The following STK33 variants were observed in gnomAD, a reference collection of about 807,000 sequenced individuals.
STK33 encodes the protein serine/threonine kinase 33, also known as serine/threonine-protein kinase 33.
Under a neutral mutation model 58.0 loss-of-function variants are expected in STK33, and 52 were observed. The ratio of observed to expected loss-of-function variants is 0.90; its 90% CI spans 0.72 to 1.13. STK33 has a LOEUF of 1.13. Ranked by LOEUF, STK33 falls within the 50% of genes most tolerant of loss-of-function variation. The pLI, the probability that STK33 is intolerant of heterozygous loss-of-function variation, is 0.00. For missense variants in STK33, 630 were observed against 604.2 expected, an observed-to-expected ratio of 1.04 and a Z score of -0.45; for synonymous variants, 215 against 200.1, an observed-to-expected ratio of 1.07 and a Z score of -0.63.
chr11:8,403,758 G>A (rs1030817149), intron 15 of STK33, among the ~76,000 whole-genome samples: 2 of 152,206 alleles, frequency 1.3e-5, no homozygotes, highest in African/African-American at 4.8e-5. Context: ...CTCCATGTGT[G>A]CAAGGGGAGA....
At chr11:8,338,835 G>T in the STK33 span, among the ~76,000 whole-genome samples, 1 of 152,120 alleles carries the variant, frequency 6.6e-6, no homozygotes, top group African/African-American at 2.4e-5. Flanking sequence ...AATCATCTTT[G>T]AGGGCCAGGA....
chr11:8,451,450 A>G (rs932177542), intron 11 of STK33, among the ~76,000 whole-genome samples: 1 of 152,240 alleles, frequency 6.6e-6, no homozygotes, highest in Non-Finnish European at 1.5e-5. Flanking sequence ...CGTACCTCAA[A>G]AGCATTATTC....
At chr11:8,412,615 C>A (rs1940451134) in intron 15 of STK33, among the ~76,000 whole-genome samples, 1 of 152,212 alleles carries the variant, frequency 6.6e-6, no homozygotes, top group Non-Finnish European at 1.5e-5. Flanking sequence ...TCTCTGCACT[C>A]TGCCTAATTC....
chr11:8,439,081 A>T (rs1475484921), intron 12 of STK33, among the ~76,000 whole-genome samples: 1 of 152,188 alleles, frequency 6.6e-6, no homozygotes, highest in East Asian at 1.9e-4. Context: ...CTTCAATATG[A>T]CCATAAAACT....
intron 1 of STK33, among the ~76,000 whole-genome samples, chr11:8,553,804 C>T (rs570265139): frequency 6.6e-6 from 1 of 152,008 alleles, no homozygotes; most frequent in Non-Finnish European, 1.5e-5. Flanking sequence ...AAAATCAACT[C>T]CAAATGGATT....
chr11:8,400,823 A>G (rs1242069074), intron 15 of STK33, among the ~76,000 whole-genome samples: 41 of 152,210 alleles, frequency 2.7e-4, no homozygotes, highest in Non-Finnish European at 7.3e-5. Context: ...CTATACACCA[A>G]TAACAGACAA....
chr11:8,587,543 T>C (rs2031894337), intron 1 of STK33, among the ~76,000 whole-genome samples: 1 of 146,802 alleles, frequency 6.8e-6, no homozygotes, highest in Admixed American at 6.9e-5. Context: ...AAGCCACGGC[T>C]CAACTGGATC....
chr11:8,372,909 T>A, the STK33 span, among the ~76,000 whole-genome samples: 1 of 152,180 alleles, frequency 6.6e-6, no homozygotes, highest in South Asian at 2.1e-4. Context: ...AGGACTGTCA[T>A]GGAGGTAGCC....
intron 1 of STK33, among the ~76,000 whole-genome samples, chr11:8,570,943 G>C (rs753787831): frequency 6.6e-6 from 1 of 152,156 alleles, no homozygotes; most frequent in Non-Finnish European, 1.5e-5. Context: ...TAGAGTAACG[G>C]GGGACAGATC....
At chr11:8,589,022 C>T (rs1227423194) in intron 1 of STK33, among the ~76,000 whole-genome samples, 2 of 152,124 alleles carry the variant, frequency 1.3e-5, no homozygotes, top group Non-Finnish European at 2.9e-5. Context: ...GTAACAAGTT[C>T]TAGTGAAGCT....
chr11:8,525,302 C>A (rs1316231431), intron 1 of STK33, among the ~76,000 whole-genome samples: 1 of 152,014 alleles, frequency 6.6e-6, no homozygotes, highest in Non-Finnish European at 1.5e-5. Context: ...CAAGGATAGC[C>A]AAAGACAATC....
intron 1 of STK33, among the ~76,000 whole-genome samples, chr11:8,496,257 C>T (rs1951049414): frequency 6.6e-6 from 1 of 152,118 alleles, no homozygotes; most frequent in Admixed American, 6.6e-5. Flanking sequence ...CAGTTATCCT[C>T]TAATTTAACT....
chr11:8,535,408 C>T (rs1954917005), intron 1 of STK33, among the ~76,000 whole-genome samples: 1 of 151,982 alleles, frequency 6.6e-6, no homozygotes, highest in African/African-American at 2.4e-5. Context: ...AAGACAGTCC[C>T]ACTAAAAGGT....
At chr11:8,494,681 C>A (rs1332292486) in intron 1 of STK33, among the ~76,000 whole-genome samples, 2 of 152,178 alleles carry the variant, frequency 1.3e-5, no homozygotes, top group Non-Finnish European at 2.9e-5. Context: ...CATCACACTA[C>A]CTGACTTCAA....
At chr11:8,455,166 A>G (rs1190222872) in intron 9 of STK33, among the ~76,000 whole-genome samples, 1 of 152,184 alleles carries the variant, frequency 6.6e-6, no homozygotes, top group African/African-American at 2.4e-5. Context: ...TCACAAACCC[A>G]GCCAGGTTTC....
the STK33 span, among the ~76,000 whole-genome samples, chr11:8,382,346 A>G: frequency 3.9e-5 from 6 of 152,216 alleles, no homozygotes; most frequent in Non-Finnish European, 8.8e-5. Context: ...GAAGCCCTGG[A>G]AATGAAAGTG....
At chr11:8,459,813 G>A (rs141024123) in intron 8 of STK33, among the ~76,000 whole-genome samples, 4 of 152,254 alleles carry the variant, frequency 2.6e-5, no homozygotes, top group East Asian at 3.9e-4. Context: ...GATTTGCAGA[G>A]GATCCCCTCA....
the STK33 span, among the ~76,000 whole-genome samples, chr11:8,345,454 T>C: frequency 7.9e-5 from 12 of 152,374 alleles, no homozygotes; most frequent in Admixed American, 7.2e-4. Context: ...GGCCAAGGCC[T>C]AGGCAGGATG....
chr11:8,593,981 T>G (rs1277374077), intron 1 of STK33, 102 bp downstream of exon 1: 1 of 152,258 alleles, frequency 6.6e-6, no homozygotes, highest in Non-Finnish European at 1.5e-5. Context: ...AGGCCCGTTT[T>G]TCCACCGCGT....
Sources: allele counts gnomAD v4.1 joint callset (sites outside exome capture counted in the v4.1 genomes callset), GRCh38; gene constraint gnomAD v4.1.1; transcripts MANE v1.5; gene names NCBI Gene and HGNC (gene_info 2026-07-23, HGNC 2026-07-21).